U2SURP: variants seen among roughly 807,000 people sequenced by gnomAD.
The protein encoded by U2SURP is U2 snRNP-associated SURP motif-containing protein.
A neutral mutation model predicts 144.9 loss-of-function variants in U2SURP; 9 were observed. The ratio of observed to expected loss-of-function variants is 0.06; its 90% CI spans 0.04 to 0.11. The LOEUF (loss-of-function observed/expected upper bound fraction) is 0.11. Among genes scored for constraint, U2SURP ranks in the 10% least tolerant of loss-of-function variants. U2SURP has a pLI of 1.00. For synonymous variants in U2SURP, 408 were observed against 396.8 expected, an observed-to-expected ratio of 1.03 and a Z score of -0.33; for missense variants, 724 against 1,226.7, an observed-to-expected ratio of 0.59 and a Z score of 6.12.
intron 26 of U2SURP, among the ~76,000 whole-genome samples, chr3:143,054,423 G>A (rs1935044475): frequency 6.6e-6 from 1 of 152,086 alleles, no homozygotes; most frequent in Admixed American, 6.5e-5. Flanking sequence ...ATGCCAATTG[G>A]TTAAAAGTCT....
intron 14 of U2SURP, among the ~76,000 whole-genome samples, chr3:143,027,901 A>G (rs959021324): frequency 4.6e-5 from 7 of 152,170 alleles, no homozygotes; most frequent in African/African-American, 1.4e-4. Context: ...ATGCTTTTCA[A>G]TGAAGGAATC....
intron 4 of U2SURP, among the ~76,000 whole-genome samples, chr3:143,015,389 G>A (rs1436807652): frequency 6.6e-6 from 1 of 151,530 alleles, no homozygotes; most frequent in East Asian, 1.9e-4. Flanking sequence ...AGAAACTATT[G>A]TACAATCAGA....
chr3:143,012,344 T>C lies in U2SURP; in HGVS notation c.213T>C (p.Asn71=). Residue 71 remains asparagine, a synonymous_variant, in exon 3 of 28, where the codon AAT becomes AAC. Transcript: ENST00000473835. ...RESLCDSPHQ[N]LSRPLLENKL... Reference sequence around the variant, plus strand: ...GCCTTTGTGATTCTCCTCATCAGAATCTCTCAAGAGTGAGTATAGATAAGA... The same window carrying C: ...GCCTTTGTGATTCTCCTCATCAGAACCTCTCAAGAGTGAGTATAGATAAGA... 1 of 1,611,494 alleles carries C rather than the reference T, an allele frequency of 6.2e-7. No homozygotes were observed. The highest frequency in any genetic ancestry group is 8.5e-7 in the Non-Finnish European group (1 of 1,178,586).
intron 14 of U2SURP, among the ~76,000 whole-genome samples, 170 bp downstream of exon 14, chr3:143,027,423 G>T (rs967464215): frequency 6.6e-6 from 1 of 152,118 alleles, no homozygotes; most frequent in Admixed American, 6.6e-5. Context: ...TTCTTTACCT[G>T]TGTAGCAGTA....
intron 3 of U2SURP, among the ~76,000 whole-genome samples, chr3:143,012,700 C>T (rs1052488533): frequency 2.6e-5 from 4 of 152,098 alleles, no homozygotes; most frequent in African/African-American, 9.7e-5. Context: ...ATCATTGAAA[C>T]ACTGTTCGTG....
At position 143,037,298 on chromosome 3, in the gene U2SURP, T is replaced by C. The variant is rs757490623; in HGVS notation, c.2184T>C (p.Pro728=). The C allele has an allele frequency of 2.0e-5, 32 of 1,612,346 alleles. No individual in the cohort carries two copies. The highest frequency in any genetic ancestry group is 1.3e-4 in the East Asian group (6 of 44,874). Residue 728 remains proline (P), a synonymous_variant, in exon 21 of 28, where the codon CCT becomes CCC. Coordinates refer to ENST00000473835, the MANE Select transcript of U2SURP (RefSeq NM_001080415.2). ...CCATCGATGATCTTGATGGAGTCCC[T>C]ATAAAAAGTCTTGATGATGATCTTG... The part of the protein sequence containing the change: ...ATPIDDLDGV[P]IKSLDDDLDG...
chr3:143,021,182 G>A (rs1364745937), intron 8 of U2SURP, among the ~76,000 whole-genome samples, 168 bp from the exon 9 acceptor site: 1 of 151,988 alleles, frequency 6.6e-6, no homozygotes, highest in Admixed American at 6.5e-5. Context: ...CAGAGCAAGA[G>A]TCTGTCTCAA....
chr3:143,017,851 T>C (rs948932932), intron 6 of U2SURP, among the ~76,000 whole-genome samples: 2 of 150,278 alleles, frequency 1.3e-5, no homozygotes, highest in East Asian at 4.1e-4. Context: ...CTCAAACTCC[T>C]GGACTCAAGC....
At chr3:143,055,908 G>C (rs1463170655) in intron 27 of U2SURP, among the ~76,000 whole-genome samples, 1 of 152,136 alleles carries the variant, frequency 6.6e-6, no homozygotes, top group Non-Finnish European at 1.5e-5. Flanking sequence ...CAAAGCTGCT[G>C]TGTTTTTTAA....
At chr3:143,024,088 G>A in intron 13 of U2SURP, 70 bp downstream of exon 13, 1 of 1,416,496 alleles carries the variant, frequency 7.1e-7, no homozygotes, top group Non-Finnish European at 1.0e-6. Context: ...AAAAAGAAAT[G>A]GTGTTGAGGA....
chr3:143,009,546 C>T (rs995429745), intron 1 of U2SURP, among the ~76,000 whole-genome samples: 5 of 151,526 alleles, frequency 3.3e-5, no homozygotes, highest in South Asian at 2.1e-4. Flanking sequence ...TGCAGTGAGC[C>T]GAGGTCGCGC....
intron 6 of U2SURP, among the ~76,000 whole-genome samples, chr3:143,019,408 C>G (rs1487056496): frequency 6.6e-6 from 1 of 152,130 alleles, no homozygotes; most frequent in African/African-American, 2.4e-5. Flanking sequence ...AGTTTTAGCT[C>G]TTACTTTTAT....
At chr3:143,021,270 C>T (rs770955903) in intron 8 of U2SURP, 80 bp from the exon 9 acceptor site, 867 of 1,448,292 alleles carry the variant, frequency 6.0e-4, no homozygotes, top group Admixed American at 7.9e-4. Flanking sequence ...CTGTAACAAA[C>T]TGGGGGAAAC....
chr3:143,027,911 CATAAGTGAGAT>C (rs1203165284), intron 14 of U2SURP, among the ~76,000 whole-genome samples: 1 of 152,134 alleles, frequency 6.6e-6, no homozygotes, highest in African/African-American at 2.4e-5. Flanking sequence ...ATGAAGGAAT[CATAAGTGAGAT>C]ACAGTTGAAC....
intron 24 of U2SURP, among the ~76,000 whole-genome samples, chr3:143,048,514 T>C (rs1344187903): frequency 6.6e-6 from 1 of 152,200 alleles, no homozygotes; most frequent in Non-Finnish European, 1.5e-5. Context: ...TCTTATCTTT[T>C]TAAATGCAGT....
rs946284431 is a variant in U2SURP, at chr3:143,057,209, G to A, written c.*759G>A. On this transcript the variant is annotated 3_prime_UTR_variant, in exon 28 of 28. Transcript: ENST00000473835. Reference sequence around the variant, plus strand: ...CTGAGCAACTACTTACTTTTAGGGGGAAATTAAATATCTTTTCATTTCCTC... The same window carrying A: ...CTGAGCAACTACTTACTTTTAGGGGAAAATTAAATATCTTTTCATTTCCTC... The A allele has an allele frequency of 3.9e-5, 6 of 152,382 alleles. No individual in the cohort carries two copies. Among genetic ancestry groups the A allele is most frequent in the African/African-American group, 1.4e-4 (6 of 41,404 alleles). The allele number at this position is 152,382 out of a possible 1,614,324, so 9.4% of individuals were successfully genotyped here.
intron 22 of U2SURP, 50 bp downstream of exon 22, chr3:143,038,253 A>G: frequency 7.5e-7 from 1 of 1,336,962 alleles, no homozygotes; most frequent in Non-Finnish European, 1.0e-6. Context: ...TTGTACGTTA[A>G]TTATTGGTGT....
chr3:143,037,783 A>G (rs975165846), intron 21 of U2SURP, among the ~76,000 whole-genome samples: 8 of 152,146 alleles, frequency 5.3e-5, no homozygotes, highest in Non-Finnish European at 7.4e-5. Flanking sequence ...CATTTGAATT[A>G]TATGTTTAAA....
chr3:143,002,952 A>G (rs1197196306), intron 1 of U2SURP, among the ~76,000 whole-genome samples: 1 of 151,714 alleles, frequency 6.6e-6, no homozygotes, highest in Non-Finnish European at 1.5e-5. Context: ...AGCTCTACCA[A>G]CTCTTCTCAA....
Sources: allele counts gnomAD v4.1 joint callset (sites outside exome capture counted in the v4.1 genomes callset), GRCh38; gene constraint gnomAD v4.1.1; transcripts MANE v1.5; gene names NCBI Gene and HGNC (gene_info 2026-07-23, HGNC 2026-07-21).